Variants in CDH13 observed in about 807,000 individuals in gnomAD.
CDH13 encodes cadherin-13.
CDH13 carries 24 observed loss-of-function variants against 63.8 expected under a neutral mutation model. That is an observed-to-expected ratio of 0.38 (90% CI 0.27 to 0.53). CDH13 has a LOEUF of 0.53. Ranked by LOEUF, CDH13 falls within the 20% of genes least tolerant of loss-of-function variation. The pLI is 0.85. For missense variants in CDH13, 1,049 were observed against 903.1 expected, an observed-to-expected ratio of 1.16 and a Z score of -2.07; for synonymous variants, 503 against 355.3, an observed-to-expected ratio of 1.42 and a Z score of -4.67.
At chr16:83,427,423 C>T (rs934471521) in intron 6 of CDH13, among the ~76,000 whole-genome samples, 15 of 151,968 alleles carry the variant, frequency 9.9e-5, no homozygotes, top group East Asian at 1.9e-4. Context: ...ATGTGGGTAG[C>T]CTCAAGAAGC....
chr16:83,197,790 A>T (rs1457229763), intron 4 of CDH13, among the ~76,000 whole-genome samples: 1 of 145,516 alleles, frequency 6.9e-6, no homozygotes, highest in East Asian at 2.0e-4. Flanking sequence ...ACACTCACAC[A>T]CTCATATGCT....
At chr16:83,231,189 T>C (rs1057262317) in intron 5 of CDH13, among the ~76,000 whole-genome samples, 1 of 152,198 alleles carries the variant, frequency 6.6e-6, no homozygotes, top group Non-Finnish European at 1.5e-5. Context: ...CCTCCACCCC[T>C]ATCCTCACTT....
At chr16:83,243,367 C>T (rs930282570) in intron 5 of CDH13, among the ~76,000 whole-genome samples, 2 of 152,128 alleles carry the variant, frequency 1.3e-5, no homozygotes, top group African/African-American at 2.4e-5. Flanking sequence ...AGAGAGAGAA[C>T]TTGTGCAGGA....
chr16:82,701,796 CCTT>C (rs2031047273), intron 1 of CDH13, among the ~76,000 whole-genome samples: 1 of 152,068 alleles, frequency 6.6e-6, no homozygotes, highest in African/African-American at 2.4e-5. Context: ...ACGTGCCCAT[CCTT>C]CAACCATTTG....
intron 10 of CDH13, among the ~76,000 whole-genome samples, chr16:83,716,649 A>C (rs182559025): frequency 7.6e-4 from 115 of 151,962 alleles, no homozygotes; most frequent in Non-Finnish European, 1.1e-3. Context: ...ACACCCGGTT[A>C]ATTTTTGTAT....
chr16:83,205,210 A>G (rs762537085), intron 4 of CDH13, among the ~76,000 whole-genome samples: 3 of 152,240 alleles, frequency 2.0e-5, no homozygotes, highest in Non-Finnish European at 2.9e-5. Context: ...AGTGTTTTCA[A>G]AGGGCTCAGT....
chr16:82,731,800 T>C (rs555275249), intron 1 of CDH13, among the ~76,000 whole-genome samples: 1 of 152,266 alleles, frequency 6.6e-6, no homozygotes, highest in Non-Finnish European at 1.5e-5. Flanking sequence ...GTGTTACTTA[T>C]CTTTGATATC....
chr16:83,158,660 G>A (rs761859357), intron 4 of CDH13, among the ~76,000 whole-genome samples: 1 of 152,246 alleles, frequency 6.6e-6, no homozygotes, highest in Non-Finnish European at 1.5e-5. Flanking sequence ...GCAGAGCCAC[G>A]TTAAACAGAT....
intron 4 of CDH13, among the ~76,000 whole-genome samples, chr16:83,136,719 C>T (rs1427732068): frequency 6.6e-6 from 1 of 152,142 alleles, no homozygotes; most frequent in Non-Finnish European, 1.5e-5. Context: ...AGCCTGAATG[C>T]AGACAGCTTC....
At chr16:82,753,238 G>A (rs972551642) in intron 1 of CDH13, among the ~76,000 whole-genome samples, 1 of 152,170 alleles carries the variant, frequency 6.6e-6, no homozygotes, top group African/African-American at 2.4e-5. Flanking sequence ...AGAAGTACAT[G>A]GATGGCATCT....
chr16:82,676,261 C>G (rs117640253), intron 1 of CDH13, among the ~76,000 whole-genome samples: 1,744 of 152,254 alleles, frequency 0.011, 12 homozygotes, highest in Non-Finnish European at 0.019. Context: ...CTCAAAGGCA[C>G]CTTGGATTCC....
intron 5 of CDH13, among the ~76,000 whole-genome samples, chr16:83,285,519 A>C (rs1295183004): frequency 1.3e-5 from 2 of 152,148 alleles, no homozygotes; most frequent in African/African-American, 4.8e-5. Flanking sequence ...GGAAAAAAAA[A>C]CAGTAAAAAT....
intron 2 of CDH13, among the ~76,000 whole-genome samples, chr16:82,882,066 G>C (rs947506736): frequency 8.6e-5 from 13 of 151,996 alleles, no homozygotes; most frequent in East Asian, 1.9e-4. Flanking sequence ...GTATGAGTGA[G>C]TCCTCAGCTC....
chr16:83,513,807 G>C (rs1331916533), intron 7 of CDH13, among the ~76,000 whole-genome samples: 2 of 152,138 alleles, frequency 1.3e-5, no homozygotes, highest in African/African-American at 2.4e-5. Flanking sequence ...AACCTTAACA[G>C]TTGGGTTCAA....
chr16:82,698,008 A>G (rs1229110201), intron 1 of CDH13, among the ~76,000 whole-genome samples: 1 of 152,156 alleles, frequency 6.6e-6, no homozygotes, highest in Non-Finnish European at 1.5e-5. Context: ...GTTCCAGCGC[A>G]GTGATTGGCA....
chr16:83,215,578 C>G (rs1053627978), intron 4 of CDH13, among the ~76,000 whole-genome samples: 2 of 151,088 alleles, frequency 1.3e-5, no homozygotes, highest in African/African-American at 4.9e-5. Context: ...GCCTTAGGCA[C>G]CATTGCCACC....
In CDH13 at chr16:83,217,476, A is replaced by G; in HGVS notation, c.615A>G (p.Arg205=). 6.2e-7 allele frequency: 1 copy of G among 1,613,798 alleles called. No individual in the cohort carries two copies. Among genetic ancestry groups the G allele is most frequent in the Non-Finnish European group, 8.5e-7 (1 of 1,179,734 alleles). Residue 205 remains arginine, a synonymous_variant, in exon 5 of 14, where the codon AGA becomes AGG. Transcript: ENST00000567109. ...GSVSVTRTLD[R]EVIAVYQLFV... is the part of the protein sequence containing the mutation. ...TCTCCGTGACACGGACCTTGGACAG[A>G]GAAGTAATCGCTGTTTATCAAGTGA... is the stretch of plus-strand genomic sequence containing the variant.
At position 83,791,110 on chromosome 16, in the gene CDH13, G is replaced by C. The variant is rs150642572; in HGVS notation, c.2135-3913G>C. ...AGGTGGGTGGATTGGATAAGGCTGG[G>C]AGTTTGAGACCAGCCTAGGCAAGAT... On this transcript the variant is annotated intron_variant, in intron 13 of 13. Transcript: ENST00000567109. 4.7e-3 allele frequency among the ~76,000 whole-genome samples: 714 copies of C among 151,988 alleles called. 3 individuals are homozygous for C. Among genetic ancestry groups the C allele is most frequent in the Middle Eastern group, 0.014 (4 of 294 alleles).
At chr16:83,486,449 T>G in intron 6 of CDH13, 28 bp from the exon 7 acceptor site, 2 of 1,599,202 alleles carry the variant, frequency 1.3e-6, no homozygotes, top group Admixed American at 3.4e-5. Flanking sequence ...TGATAACCAT[T>G]CCGTGCCTTT....
Sources: gnomAD v4.1 joint callset for allele counts (sites outside exome capture counted in the v4.1 genomes callset) on GRCh38, gnomAD v4.1.1 for gene constraint, MANE v1.5 for transcripts, NCBI Gene and HGNC (gene_info 2026-07-23, HGNC 2026-07-21) for gene names.